TRPM1: variants seen among roughly 807,000 people sequenced by gnomAD.
TRPM1 encodes transient receptor potential cation channel subfamily M member 1.
TRPM1 carries 113 observed loss-of-function variants against 149.4 expected under a neutral mutation model. The ratio of observed to expected loss-of-function variants is 0.76; its 90% CI spans 0.65 to 0.88. The LOEUF is 0.88. Among genes scored for constraint, TRPM1 ranks in the 40% least tolerant of loss-of-function variants. The probability of loss-of-function intolerance (pLI) is 0.00; values close to 1 mark genes in which losing one functional copy is unlikely to be tolerated. For synonymous variants in TRPM1, 741 were observed against 759.5 expected, an observed-to-expected ratio of 0.98 and a Z score of 0.40; for missense variants, 1,976 against 2,038.7, an observed-to-expected ratio of 0.97 and a Z score of 0.59.
At chr15:31,125,590 C>A (rs932839424) in intron 1 of TRPM1, among the ~76,000 whole-genome samples, 17 of 148,482 alleles carry the variant, frequency 1.1e-4, no homozygotes, top group African/African-American at 4.2e-4. Context: ...ATTAGCCGGG[C>A]GTAGTGGCGG....
intron 1 of TRPM1, among the ~76,000 whole-genome samples, chr15:31,092,110 G>A (rs953254534): frequency 3.3e-5 from 5 of 151,784 alleles, no homozygotes; most frequent in African/African-American, 4.8e-5. Context: ...GCTCTTGAGG[G>A]GTGGGGTGGG....
In TRPM1 at chr15:31,113,539, T is replaced by C. The variant is rs556963455; in HGVS notation, c.55-36555A>G. 4.6e-5 allele frequency among the ~76,000 whole-genome samples: 7 copies of C among 151,474 alleles called. No individual in the cohort carries two copies. In the East Asian group the frequency reaches 9.6e-4, roughly 21 times the overall value. ...CAAACTGTCAAAAAACATTTTTCTT[T>C]GTACTCCTAAAATGTTTTTTTTTAA... On this transcript the variant is annotated intron_variant, in intron 1 of 26. Coordinates refer to the TRPM1 transcript ENST00000542188.
At chr15:31,093,554 TATTCATGAATTG>T (rs2035297599) in intron 1 of TRPM1, among the ~76,000 whole-genome samples, 1 of 151,996 alleles carries the variant, frequency 6.6e-6, no homozygotes, top group African/African-American at 2.4e-5. Context: ...AGACATCCTG[TATTCATGAATTG>T]CAATGGGCTA....
At chr15:31,116,239 C>A (rs1007950440) in intron 1 of TRPM1, among the ~76,000 whole-genome samples, 9 of 152,146 alleles carry the variant, frequency 5.9e-5, no homozygotes, top group African/African-American at 2.2e-4. Context: ...TCCTGTCTCA[C>A]ATAAGTTGGG....
At position 31,040,074 on chromosome 15, in the gene TRPM1, T is replaced by C; in HGVS notation, c.2316+44A>G. 1 of 1,571,984 alleles carries C rather than the reference T, an allele frequency of 6.4e-7. No individual in the cohort carries two copies. The highest frequency in any genetic ancestry group is 8.8e-7 in the Non-Finnish European group (1 of 1,141,898). The stretch of plus-strand genomic sequence containing the variant: ...TCAGTTCAGCCTGGCAGAGAGTCAC[T>C]TGTCACTGTCACCCTGGCCCGCCTC... On this transcript the variant is annotated intron_variant, in intron 18 of 27. Coordinates refer to ENST00000256552, the MANE Select transcript of TRPM1 (RefSeq NM_001252024.2). The surrounding 1 kb of genome is among the most constrained non-coding windows in gnomAD (Gnocchi z 4.2).
At chr15:31,139,399 G>A (rs1348390182) in intron 1 of TRPM1, among the ~76,000 whole-genome samples, 3 of 152,064 alleles carry the variant, frequency 2.0e-5, no homozygotes, top group Non-Finnish European at 4.4e-5. Context: ...TCTAAACAGG[G>A]GAGAGAAACT....
intron 1 of TRPM1, among the ~76,000 whole-genome samples, chr15:31,157,099 G>A (rs370715149): frequency 6.6e-6 from 1 of 152,036 alleles, no homozygotes; most frequent in Non-Finnish European, 1.5e-5. Flanking sequence ...TTTTCATAGA[G>A]ATGGGGCTTC....
chr15:31,136,580 A>G (rs1273427840), intron 1 of TRPM1, among the ~76,000 whole-genome samples: 1 of 152,114 alleles, frequency 6.6e-6, no homozygotes, highest in Non-Finnish European at 1.5e-5. Flanking sequence ...TAATTCACCA[A>G]ATGGGCCACC....
chr15:31,065,013 T>C (rs377382359), intron 7 of TRPM1: 31 of 532,890 alleles, frequency 5.8e-5, no homozygotes, highest in Admixed American at 1.2e-4. Context: ...CTTCTTGGCT[T>C]AGGCTGGAGT....
chr15:31,132,052 T>C (rs1411862064), intron 1 of TRPM1, among the ~76,000 whole-genome samples: 1 of 152,192 alleles, frequency 6.6e-6, no homozygotes, highest in Non-Finnish European at 1.5e-5. Flanking sequence ...AAGCAGATAT[T>C]GAGGAGCATT....
At chr15:31,132,495 T>C (rs868460679) in intron 1 of TRPM1, among the ~76,000 whole-genome samples, 5 of 152,302 alleles carry the variant, frequency 3.3e-5, no homozygotes, top group South Asian at 4.1e-4. Flanking sequence ...TGATGTCTCT[T>C]TTGTTTGTCG....
intron 2 of TRPM1, among the ~76,000 whole-genome samples, chr15:31,080,874 C>G (rs2034840000): frequency 3.3e-5 from 5 of 152,182 alleles, no homozygotes; most frequent in Non-Finnish European, 5.9e-5. Flanking sequence ...GAAACTAAAG[C>G]CCAGGCTCCG....
intron 2 of TRPM1, among the ~76,000 whole-genome samples, chr15:31,080,361 A>G (rs994319834): frequency 6.6e-6 from 1 of 152,200 alleles, no homozygotes; most frequent in African/African-American, 2.4e-5. Flanking sequence ...CAAAGTGCAC[A>G]TCGCCTGTCA....
rs763332838 is a variant in TRPM1, at chr15:31,060,568, G to T, written c.1239C>A (p.Ile413=). ...CCGGCCAGTGGGGCCCAAAGACAAA[G>T]ATCTGGCTTCGTGCTATGTCCACGC... ...WNRVDIARSQ[I]FVFGPHWPPL... The change falls in exon 11 of 28, where the codon ATC becomes ATA. Residue 413 remains isoleucine (I), a synonymous_variant. Coordinates refer to ENST00000256552, the MANE Select transcript of TRPM1 (RefSeq NM_001252024.2). 1.2e-6 allele frequency: 2 copies of T among 1,614,110 alleles called. No individual in the cohort carries two copies. The highest frequency in any genetic ancestry group is 1.7e-5 in the Admixed American group (1 of 60,008).
At chr15:31,090,148 C>T (rs2035194062) in intron 1 of TRPM1, among the ~76,000 whole-genome samples, 1 of 152,192 alleles carries the variant, frequency 6.6e-6, no homozygotes, top group South Asian at 2.1e-4. Context: ...TCAGCTATTT[C>T]TTCCTGGTTC....
chr15:31,071,979 A>C (rs1350198737), intron 3 of TRPM1, among the ~76,000 whole-genome samples: 11 of 83,620 alleles, frequency 1.3e-4, no homozygotes, highest in African/African-American at 5.6e-4. Flanking sequence ...AAAAAAAAAA[A>C]CATATATATA....
intron 27 of TRPM1, among the ~76,000 whole-genome samples, chr15:31,021,605 A>G (rs990677066): frequency 1.3e-5 from 2 of 151,868 alleles, no homozygotes; most frequent in African/African-American, 2.4e-5. Flanking sequence ...CTGAGGCAGT[A>G]GACTCACTTG....
intron 1 of TRPM1, among the ~76,000 whole-genome samples, chr15:31,094,328 A>G (rs533588678): frequency 1.3e-5 from 2 of 152,378 alleles, no homozygotes; most frequent in South Asian, 4.1e-4. Context: ...TACCATAAGC[A>G]TGAACAAGAA....
intron 1 of TRPM1, among the ~76,000 whole-genome samples, chr15:31,089,363 C>T (rs1203913446): frequency 6.6e-6 from 1 of 152,300 alleles, no homozygotes. Flanking sequence ...GGGAGGCTAT[C>T]TTGGTAAGTA....
Sources: gnomAD v4.1 joint callset for allele counts (sites outside exome capture counted in the v4.1 genomes callset) on GRCh38, gnomAD v4.1.1 for gene constraint, Gnocchi (gnomAD v3.1) non-coding constraint, MANE v1.5 for transcripts, NCBI Gene and HGNC (gene_info 2026-07-23, HGNC 2026-07-21) for gene names.